Variants in CADM1 observed in about 807,000 individuals in gnomAD.
The protein encoded by CADM1 is TSLC-1.
In CADM1, 15 loss-of-function variants were observed where a neutral mutation model predicts 53.1. The observed-to-expected ratio is 0.28, with a 90% CI of 0.19 to 0.44. CADM1 has a LOEUF of 0.44. Ranked by LOEUF, CADM1 falls within the 20% of genes least tolerant of loss-of-function variation. The probability of loss-of-function intolerance (pLI) is 1.00; values close to 1 mark genes in which losing one functional copy is unlikely to be tolerated. For synonymous variants in CADM1, 281 were observed against 243.0 expected (o/e 1.16, Z -1.45); for missense variants, 434 against 611.3 (o/e 0.71, Z 3.06).
intron 1 of CADM1, among the ~76,000 whole-genome samples, chr11:115,456,451 A>T (rs1445283546): frequency 1.3e-5 from 2 of 152,224 alleles, no homozygotes; most frequent in Non-Finnish European, 2.9e-5. Flanking sequence ...AGGCTAAAGT[A>T]CAACCTCAAT....
chr11:115,323,245 T>C (rs1389440722), intron 1 of CADM1, among the ~76,000 whole-genome samples: 3 of 152,212 alleles, frequency 2.0e-5, no homozygotes, highest in East Asian at 1.9e-4. Context: ...TAGATAAATG[T>C]ATTATAATTT....
intron 1 of CADM1, among the ~76,000 whole-genome samples, chr11:115,450,369 T>A (rs1016054713): frequency 6.6e-6 from 1 of 152,214 alleles, no homozygotes; most frequent in Admixed American, 6.5e-5. Context: ...AGTTTTTAAC[T>A]TCATTCATAG....
At chr11:115,375,234 T>G (rs141677407) in intron 1 of CADM1, among the ~76,000 whole-genome samples, 28 of 152,312 alleles carry the variant, frequency 1.8e-4, no homozygotes, top group African/African-American at 6.5e-4. Flanking sequence ...TCTGCTTTTG[T>G]GTGTTTGACA....
intron 1 of CADM1, among the ~76,000 whole-genome samples, chr11:115,315,476 T>C (rs1402703955): frequency 6.6e-6 from 1 of 152,106 alleles, no homozygotes; most frequent in African/African-American, 2.4e-5. Flanking sequence ...TGAGAACAGA[T>C]TCTGTTTTAC....
intron 1 of CADM1, among the ~76,000 whole-genome samples, chr11:115,288,235 T>A (rs1037165665): frequency 6.6e-6 from 1 of 152,074 alleles, no homozygotes; most frequent in East Asian, 1.9e-4. Flanking sequence ...TAAGAGATGA[T>A]GTTGGGGAGA....
chr11:115,192,552 G>C (rs904746555), intron 9 of CADM1, among the ~76,000 whole-genome samples: 1 of 152,150 alleles, frequency 6.6e-6, no homozygotes, highest in Non-Finnish European at 1.5e-5. Flanking sequence ...GCAACATAAA[G>C]TACTCCTTTG....
At chr11:115,295,497 C>T (rs1180165525) in intron 1 of CADM1, among the ~76,000 whole-genome samples, 1 of 84,456 alleles carries the variant, frequency 1.2e-5, no homozygotes, top group East Asian at 3.4e-4. Context: ...ATGCTTTGAT[C>T]AAGATATTTT....
chr11:115,431,329 C>T (rs1948043784), intron 1 of CADM1, among the ~76,000 whole-genome samples: 1 of 152,054 alleles, frequency 6.6e-6, no homozygotes, highest in Non-Finnish European at 1.5e-5. Context: ...ATTTAACCTC[C>T]TAAATAACAC....
chr11:115,374,242 C>T (rs1262752742), intron 1 of CADM1, among the ~76,000 whole-genome samples: 1 of 152,102 alleles, frequency 6.6e-6, no homozygotes, highest in African/African-American at 2.4e-5. Flanking sequence ...AAAGAGTCTT[C>T]CACTAGCCAA....
intron 1 of CADM1, among the ~76,000 whole-genome samples, chr11:115,417,010 G>T (rs1947615535): frequency 6.6e-6 from 1 of 152,080 alleles, no homozygotes; most frequent in Non-Finnish European, 1.5e-5. Context: ...AATGTAAACA[G>T]AGATTTTATG....
At chr11:115,347,608 T>A (rs1397464719) in intron 1 of CADM1, among the ~76,000 whole-genome samples, 1 of 152,158 alleles carries the variant, frequency 6.6e-6, no homozygotes, top group Non-Finnish European at 1.5e-5. Flanking sequence ...AAGATAAGAT[T>A]TTCCTGACAT....
chr11:115,497,282 A>C (rs185433198), intron 1 of CADM1, among the ~76,000 whole-genome samples: 172 of 152,322 alleles, frequency 1.1e-3, no homozygotes, highest in Non-Finnish European at 2.1e-3. Context: ...ATGTTAGGTC[A>C]AATGCCTGTA....
At position 115,369,026 on chromosome 11, in the gene CADM1, T is replaced by TAAAAAAAAAAAAAAAAAAAAA. The variant is rs552309443; in HGVS notation, c.125-128627_125-128607dup. Among the ~76,000 whole-genome samples, 12 of 44,744 alleles carry TAAAAAAAAAAAAAAAAAAAAA rather than the reference T, an allele frequency of 2.7e-4. 1 individual carries two copies. The highest frequency in any genetic ancestry group is 7.8e-4 in the East Asian group (1 of 1,290). The allele number at this position is 44,744 out of a possible 152,430, so 29.4% of individuals were successfully genotyped here. A position where few individuals can be genotyped will look rare whatever the true frequency, so the allele number is the denominator to read the frequency against. Reference sequence around the variant, plus strand: ...GTGCCTAGCAGAGTGAAAAAAAATCTAAAAAAAAAAAAAAAAAAAAAAAAA... The same window carrying TAAAAAAAAAAAAAAAAAAAAA: ...GTGCCTAGCAGAGTGAAAAAAAATCTAAAAAAAAAAAAAAAAAAAAAAAAAAAAAAAAAAAAAAAAAAAAAA... On this transcript the variant is annotated intron_variant, in intron 1 of 11. Coordinates refer to ENST00000331581, the MANE Select transcript of CADM1 (RefSeq NM_001301043.2).
chr11:115,430,299 C>T (rs1453860043), intron 1 of CADM1, among the ~76,000 whole-genome samples: 1 of 152,188 alleles, frequency 6.6e-6, no homozygotes, highest in Non-Finnish European at 1.5e-5. Flanking sequence ...AGATAGCTAA[C>T]GCTGGGCGTT....
chr11:115,214,560 C>T (rs760165224), intron 7 of CADM1, 48 bp downstream of exon 7: 5 of 1,539,554 alleles, frequency 3.2e-6, no homozygotes, highest in Admixed American at 1.7e-5. Context: ...CAAGTAGCAG[C>T]TCCATGTGAC....
At chr11:115,361,537 A>T (rs1946029126) in intron 1 of CADM1, among the ~76,000 whole-genome samples, 1 of 152,162 alleles carries the variant, frequency 6.6e-6, no homozygotes. Context: ...AGTATTTATG[A>T]CTGCTTATGA....
rs934259737 is a variant in CADM1, at chr11:115,254,873, T to A, written c.125-14453A>T. Among the ~76,000 whole-genome samples the A allele has an allele frequency of 2.0e-5, 3 of 152,320 alleles. No individual in the cohort carries two copies. The South Asian group carries it at 6.2e-4, about 32-fold the overall frequency. ...AGGGAATTTGCACTGTATCTTGTAA[T>A]CAATAGGGGGCCATTAAGTGATTTT... On this transcript the variant is annotated intron_variant, in intron 1 of 11. Transcript: ENST00000331581.
intron 1 of CADM1, among the ~76,000 whole-genome samples, chr11:115,257,192 T>C (rs1942818626): frequency 6.6e-6 from 1 of 152,168 alleles, no homozygotes; most frequent in African/African-American, 2.4e-5. Flanking sequence ...AAAAATAATC[T>C]AATGGGCTAC....
At chr11:115,457,845 A>C (rs1462653515) in intron 1 of CADM1, among the ~76,000 whole-genome samples, 1 of 152,288 alleles carries the variant, frequency 6.6e-6, no homozygotes, top group Middle Eastern at 3.4e-3. Flanking sequence ...CTAATGAATA[A>C]GTGCATTCTG....
Sources: allele counts gnomAD v4.1 joint callset (sites outside exome capture counted in the v4.1 genomes callset), GRCh38; gene constraint gnomAD v4.1.1; transcripts MANE v1.5; gene names NCBI Gene and HGNC (gene_info 2026-07-23, HGNC 2026-07-21).